Variants in ERP44 observed in about 807,000 individuals in gnomAD.
ERP44 encodes endoplasmic reticulum protein 44, also known as endoplasmic reticulum resident protein 44.
In ERP44, 25 loss-of-function variants were observed where a neutral mutation model predicts 53.4. The observed-to-expected ratio is 0.47, with a 90% CI of 0.34 to 0.65. ERP44 has a LOEUF of 0.65. Ranked by LOEUF, ERP44 falls within the 30% of genes least tolerant of loss-of-function variation. The pLI is 0.01. For synonymous variants in ERP44, 145 were observed against 161.2 expected (o/e 0.90, Z 0.76); for missense variants, 338 against 493.2 (o/e 0.69, Z 2.98).
intron 4 of ERP44, among the ~76,000 whole-genome samples, chr9:100,036,736 A>C (rs761164603): frequency 3.9e-5 from 6 of 152,204 alleles, no homozygotes; most frequent in East Asian, 1.9e-4. Flanking sequence ...CATTATGTTA[A>C]GTGAAATAAG....
intron 4 of ERP44, among the ~76,000 whole-genome samples, chr9:100,032,514 T>C (rs1221292910): frequency 6.6e-6 from 1 of 152,230 alleles, no homozygotes; most frequent in African/African-American, 2.4e-5. Flanking sequence ...AAATATGAGA[T>C]GGTATTTGGC....
At chr9:100,051,604 A>AC (rs1331602744) in intron 4 of ERP44, among the ~76,000 whole-genome samples, 1 of 152,142 alleles carries the variant, frequency 6.6e-6, no homozygotes, top group African/African-American at 2.4e-5. Flanking sequence ...AAAGAAAGAA[A>AC]AAAAAATTCC....
chr9:100,030,153 T>G (rs1014827658), intron 4 of ERP44, among the ~76,000 whole-genome samples: 2 of 152,188 alleles, frequency 1.3e-5, no homozygotes, highest in African/African-American at 4.8e-5. Context: ...CTGCTCTGCC[T>G]ATGGAGTAGC....
At chr9:100,084,365 A>G (rs1826459295) in intron 1 of ERP44, among the ~76,000 whole-genome samples, 1 of 152,246 alleles carries the variant, frequency 6.6e-6, no homozygotes, top group African/African-American at 2.4e-5. Context: ...GGACTTATGC[A>G]CAAGGGCATT....
intron 1 of ERP44, among the ~76,000 whole-genome samples, chr9:100,093,651 GAAAA>G (rs34247708): frequency 2.3e-4 from 35 of 150,820 alleles, no homozygotes; most frequent in African/African-American, 8.0e-4. Context: ...TGTGGGGGGG[GAAAA>G]AAAAAGAACT....
chr9:99,993,260 T>G (rs1212653195), intron 10 of ERP44, among the ~76,000 whole-genome samples: 2 of 152,188 alleles, frequency 1.3e-5, no homozygotes, highest in African/African-American at 4.8e-5. Flanking sequence ...GACTTCAAAC[T>G]ATACTACAAG....
intron 1 of ERP44, among the ~76,000 whole-genome samples, chr9:100,088,229 G>C (rs1826508259): frequency 6.6e-6 from 1 of 152,232 alleles, no homozygotes; most frequent in South Asian, 2.1e-4. Context: ...AACATACATA[G>C]TAAGGGCAAG....
At chr9:100,064,280 A>G (rs1826187475) in intron 1 of ERP44, among the ~76,000 whole-genome samples, 1 of 152,222 alleles carries the variant, frequency 6.6e-6, no homozygotes, top group Non-Finnish European at 1.5e-5. Context: ...CACAAGAAAC[A>G]TTCAAATATG....
chr9:100,010,338 T>TTA (rs1308586313), intron 8 of ERP44, among the ~76,000 whole-genome samples: 1 of 152,212 alleles, frequency 6.6e-6, no homozygotes, highest in Admixed American at 6.5e-5. Flanking sequence ...GGTTAAATGG[T>TTA]TGCTTACAAC....
At chr9:100,084,713 C>T (rs1161756289) in intron 1 of ERP44, among the ~76,000 whole-genome samples, 1 of 152,160 alleles carries the variant, frequency 6.6e-6, no homozygotes, top group Non-Finnish European at 1.5e-5. Context: ...TTAACTAATA[C>T]TTCAAAGTAA....
chr9:99,999,022 CGCAGCTG>C, intron 10 of ERP44: 1 of 948,374 alleles, frequency 1.1e-6, no homozygotes, highest in Admixed American at 1.9e-5. Context: ...GGGCAGCGGG[CGCAGCTG>C]CTCCTTGGTG....
intron 1 of ERP44, among the ~76,000 whole-genome samples, chr9:100,096,518 T>C (rs1826631855): frequency 6.6e-6 from 1 of 152,120 alleles, no homozygotes; most frequent in South Asian, 2.1e-4. Context: ...TATTCCAAAA[T>C]GCTTTGAGAT....
rs1156647118 is a variant in ERP44 at position 100,098,903 on chromosome 9, G to A, written c.-63C>T. On this transcript the variant is annotated 5_prime_UTR_variant, in exon 1 of 12. Coordinates refer to ENST00000262455, the MANE Select transcript of ERP44 (RefSeq NM_015051.3). ...GGCTGGGACTGGGCTAGGTTGGGTTGGGTTAGGAAAGGGCTGGGCTCCGGG... is the reference window on the plus strand; with the variant it reads ...GGCTGGGACTGGGCTAGGTTGGGTTAGGTTAGGAAAGGGCTGGGCTCCGGG... 6.2e-6 allele frequency: 9 copies of A among 1,454,344 alleles called. No individual in the cohort carries two copies. The South Asian group carries it at 8.0e-5, about 13-fold the overall frequency. 90.1% of individuals were successfully genotyped at this position (1,454,344 alleles called of 1,614,324 possible).
At chr9:100,050,645 A>T (rs946012173) in intron 4 of ERP44, among the ~76,000 whole-genome samples, 1 of 152,252 alleles carries the variant, frequency 6.6e-6, no homozygotes, top group South Asian at 2.1e-4. Flanking sequence ...ATTTCTTTAA[A>T]AGAATTACAT....
At position 99,998,862 on chromosome 9, in the gene ERP44, T is replaced by C. The variant is rs1407808186; in HGVS notation, c.1016+7644A>G. 1.6e-5 allele frequency: 24 copies of C among 1,475,766 alleles called. No individual in the cohort carries two copies. The Admixed American group carries it at 4.0e-4, about 25-fold the overall frequency. The allele number at this position is 1,475,766 out of a possible 1,614,324, so 91.4% of individuals were successfully genotyped here. A position where few individuals can be genotyped will look rare whatever the true frequency, so the allele number is the denominator to read the frequency against. Reference sequence around the variant, plus strand: ...TATTCCAAAATAGGTGTAGTTCTTCTAGCAATGAGCTCTCTTGTCTTCGCC... The same window carrying C: ...TATTCCAAAATAGGTGTAGTTCTTCCAGCAATGAGCTCTCTTGTCTTCGCC... On this transcript the variant is annotated intron_variant, in intron 10 of 11. Coordinates refer to ENST00000262455, the MANE Select transcript of ERP44 (RefSeq NM_015051.3).
chr9:100,082,060 CAA>C (rs1448087510), intron 1 of ERP44, among the ~76,000 whole-genome samples: 1 of 151,358 alleles, frequency 6.6e-6, no homozygotes, highest in Non-Finnish European at 1.5e-5. Flanking sequence ...TGTAATGCAA[CAA>C]AAAAGGAACC....
intron 2 of ERP44, among the ~76,000 whole-genome samples, chr9:100,059,397 C>G (rs976857867): frequency 6.6e-6 from 1 of 152,138 alleles, no homozygotes. Flanking sequence ...CAGTAAAAAA[C>G]TTATTAGGCC....
At position 100,067,142 on chromosome 9, in the gene ERP44, CCGCTCTCGCTCT is replaced by C. The variant is rs1015995698; in HGVS notation, c.58-6982_58-6971del. 9.5e-3 allele frequency among the ~76,000 whole-genome samples: 1,442 copies of C among 152,080 alleles called. 12 individuals carry two copies. The highest frequency in any genetic ancestry group is 0.011 in the African/African-American group (472 of 41,434). On this transcript the variant is annotated intron_variant, in intron 1 of 11. Transcript: ENST00000262455. ...GCCTGTCTCTAAAAAAACCAAACAA[CCGCTCTCGCTCT>C]CGCTCTCCCTCTCGCTCTCCCTCTC...
chr9:100,078,142 G>A (rs908258017), intron 1 of ERP44, among the ~76,000 whole-genome samples: 1 of 152,212 alleles, frequency 6.6e-6, no homozygotes, highest in Non-Finnish European at 1.5e-5. Context: ...GTTTGTGCAT[G>A]TATGTATACA....
Sources: gnomAD v4.1 joint callset for allele counts (sites outside exome capture counted in the v4.1 genomes callset) on GRCh38, gnomAD v4.1.1 for gene constraint, MANE v1.5 for transcripts, NCBI Gene and HGNC (gene_info 2026-07-23, HGNC 2026-07-21) for gene names.